The following PPP3CB variants were observed in gnomAD, a reference collection of about 807,000 sequenced individuals.
PPP3CB encodes serine/threonine-protein phosphatase 2B catalytic subunit beta isoform.
PPP3CB carries 8 observed loss-of-function variants against 66.4 expected under a neutral mutation model. That is an observed-to-expected ratio of 0.12 (90% CI 0.07 to 0.22). The LOEUF is 0.22. Among genes scored for constraint, PPP3CB ranks in the 10% least tolerant of loss-of-function variants. The pLI is 1.00. For synonymous variants in PPP3CB, 208 were observed against 221.2 expected (o/e 0.94, Z 0.53); for missense variants, 319 against 642.5 (o/e 0.50, Z 5.44).
intron 1 of PPP3CB, among the ~76,000 whole-genome samples, chr10:73,482,542 CAAAAAAAAA>C (rs537336452): frequency 0.013 from 465 of 36,762 alleles, 6 homozygotes; most frequent in Middle Eastern, 0.054. Context: ...GACTCCGTCT[CAAAAAAAAA>C]AAAAAAAAAA....
At chr10:73,443,328 G>GAAAGAAAGAA (rs1425533106) in intron 12 of PPP3CB, among the ~76,000 whole-genome samples, 1 of 131,068 alleles carries the variant, frequency 7.6e-6, no homozygotes. Context: ...AAGAAAGAAA[G>GAAAGAAAGAA]AAAAAGAAAG....
chr10:73,483,733 G>C (rs61865837), intron 1 of PPP3CB, among the ~76,000 whole-genome samples: 3,838 of 152,200 alleles, frequency 0.025, 71 homozygotes, highest in Non-Finnish European at 0.035. Flanking sequence ...GTGTTGTTTT[G>C]CAAGTGGAGA....
At position 73,483,717 on chromosome 10, in the gene PPP3CB, C is replaced by T. The variant is rs543776971; in HGVS notation, c.86-4200G>A. ...ATCAGCAAATAAGAGAAAAAAGGCA[C>T]GTATAGTGTTGTTTTGCAAGTGGAG... is the stretch of plus-strand genomic sequence containing the variant. On this transcript the variant is annotated intron_variant, in intron 1 of 13. Coordinates refer to ENST00000360663, the MANE Select transcript of PPP3CB (RefSeq NM_021132.4). Among the ~76,000 whole-genome samples, 257 of 152,058 alleles carry T rather than the reference C, an allele frequency of 1.7e-3. 1 individual carries two copies. Among genetic ancestry groups the T allele is most frequent in the African/African-American group, 5.9e-3 (246 of 41,472 alleles).
In PPP3CB at chr10:73,448,402, C is replaced by T. The variant is rs2056293774; in HGVS notation, c.1187-1829G>A. 3.9e-5 allele frequency among the ~76,000 whole-genome samples: 6 copies of T among 152,032 alleles called. 1 individual carries two copies. The highest frequency in any genetic ancestry group is 7.4e-5 in the Non-Finnish European group (5 of 67,982). ...TAATCATGCAGGGAAAAGTACAAAA[C>T]ATTACAAATAAGCAAAAGAATGAAA... is the stretch of plus-strand genomic sequence containing the variant. On this transcript the variant is annotated intron_variant, in intron 10 of 13. Coordinates refer to ENST00000360663, the MANE Select transcript of PPP3CB (RefSeq NM_021132.4).
chr10:73,488,362 T>C (rs1221811216), intron 1 of PPP3CB, among the ~76,000 whole-genome samples: 2 of 151,900 alleles, frequency 1.3e-5, no homozygotes, highest in African/African-American at 2.4e-5. Flanking sequence ...CTGGGCAACA[T>C]AGTGAGACCT....
rs533182411 is a variant in PPP3CB, at chr10:73,450,920, G to T, written c.1186+3492C>A. Among the ~76,000 whole-genome samples the T allele has an allele frequency of 4.6e-5, 7 of 152,170 alleles. No homozygotes were observed. The East Asian group carries it at 1.4e-3, about 29-fold the overall frequency. Reference sequence around the variant, plus strand: ...CAATTCATCCCTGGAATGCAAGAATGATAATAACAAGTGGATAAATTATCA... The same window carrying T: ...CAATTCATCCCTGGAATGCAAGAATTATAATAACAAGTGGATAAATTATCA... On this transcript the variant is annotated intron_variant, in intron 10 of 13. Coordinates refer to ENST00000360663, the MANE Select transcript of PPP3CB (RefSeq NM_021132.4).
At chr10:73,486,356 C>T (rs1425148060) in intron 1 of PPP3CB, among the ~76,000 whole-genome samples, 2 of 133,090 alleles carry the variant, frequency 1.5e-5, no homozygotes, top group African/African-American at 2.9e-5. Flanking sequence ...CCCAGGCTGG[C>T]GTGCGATGGT....
At chr10:73,469,189 C>T (rs1001101769) in intron 8 of PPP3CB, among the ~76,000 whole-genome samples, 3 of 152,266 alleles carry the variant, frequency 2.0e-5, no homozygotes, top group Admixed American at 6.5e-5. Flanking sequence ...GAGGAAGTCA[C>T]AGTTGAGGAA....
intron 10 of PPP3CB, among the ~76,000 whole-genome samples, chr10:73,450,939 A>C (rs969575527): frequency 3.9e-5 from 6 of 152,170 alleles, no homozygotes; most frequent in African/African-American, 1.4e-4. Context: ...AAGTGGATAA[A>C]TTATCATACT....
chr10:73,444,218 G>T, intron 12 of PPP3CB: 1 of 169,772 alleles, frequency 5.9e-6, no homozygotes, highest in Non-Finnish European at 1.2e-5. Flanking sequence ...CAAATCTTTT[G>T]GTAACTGAAG....
At position 73,495,861 on chromosome 10, in the gene PPP3CB, G is replaced by A. The variant is rs1691953265; in HGVS notation, c.29C>T (p.Ala10Val). Residue 10 changes from alanine to valine, a missense_variant, in exon 1 of 14, where the codon GCA becomes GTA. Physicochemically the swap from Ala to Val is moderately conservative, Grantham distance 64. This residue lies in a region of PPP3CB where 104 missense variants were observed against 128.4 expected (regional missense o/e 0.81). Transcript: ENST00000360663. MAAPEPARA[A>V]PPPPPPPPPP... ...CGGCGGGGGCGGGGGTGGGGGCGGT[G>A]CAGCCCGGGCCGGCTCCGGGGCGGC... is the stretch of plus-strand genomic sequence containing the variant. 2 of 1,404,766 alleles carry A rather than the reference G, an allele frequency of 1.4e-6. No homozygotes were observed. The highest frequency in any genetic ancestry group is 1.4e-5 in the South Asian group (1 of 72,310). 87.0% of individuals were successfully genotyped at this position (1,404,766 alleles called of 1,614,324 possible). A position where few individuals can be genotyped will look rare whatever the true frequency, so the allele number is the denominator to read the frequency against.
chr10:73,441,238 T>C (rs933855346), intron 12 of PPP3CB, among the ~76,000 whole-genome samples: 2 of 152,234 alleles, frequency 1.3e-5, no homozygotes, highest in Admixed American at 6.5e-5. Flanking sequence ...GTAAAGTGAA[T>C]TGGGGACCCA....
intron 1 of PPP3CB, among the ~76,000 whole-genome samples, chr10:73,494,163 T>C (rs1226278281): frequency 6.6e-6 from 1 of 151,438 alleles, no homozygotes; most frequent in Non-Finnish European, 1.5e-5. Context: ...GCATTACTAT[T>C]TTTTTTTTAA....
chr10:73,462,949 C>CAA (rs10569079), intron 9 of PPP3CB, among the ~76,000 whole-genome samples: 22 of 58,814 alleles, frequency 3.7e-4, no homozygotes, highest in Non-Finnish European at 4.8e-4. Context: ...GACTCTGTCT[C>CAA]AAAAAAAAAA....
At chr10:73,457,260 GAAAAAAA>G (rs35129439) in intron 9 of PPP3CB, among the ~76,000 whole-genome samples, 2,677 of 68,994 alleles carry the variant, frequency 0.039, 10 homozygotes, top group African/African-American at 0.12. Context: ...CTCTAAAAAA[GAAAAAAA>G]AAAAAAAAAA....
At chr10:73,459,795 G>A (rs1031084657) in intron 9 of PPP3CB, among the ~76,000 whole-genome samples, 3 of 152,156 alleles carry the variant, frequency 2.0e-5, no homozygotes, top group Non-Finnish European at 4.4e-5. Context: ...CCTAGGGTTA[G>A]CAAGGGGGGT....
At chr10:73,479,647 G>T in intron 1 of PPP3CB, 130 bp from the exon 2 acceptor site, 1 of 857,398 alleles carries the variant, frequency 1.2e-6, no homozygotes. Context: ...TTATTGGGTA[G>T]AAGTGTTTTT....
intron 4 of PPP3CB, among the ~76,000 whole-genome samples, chr10:73,472,046 T>C (rs939018594): frequency 2.0e-5 from 3 of 152,202 alleles, no homozygotes; most frequent in Admixed American, 6.5e-5. Context: ...TCAACAAAAA[T>C]ATGCAAAGTT....
chr10:73,443,290 A>C (rs148091432), intron 12 of PPP3CB, among the ~76,000 whole-genome samples: 2,521 of 115,336 alleles, frequency 0.022, 60 homozygotes, highest in African/African-American at 0.094. Context: ...GAAAGACAGA[A>C]AGAAAGAAAG....
Sources: gnomAD v4.1 joint callset for allele counts (sites outside exome capture counted in the v4.1 genomes callset) on GRCh38, gnomAD v4.1.1 for gene constraint, gnomAD v4.1.1 regional missense constraint, MANE v1.5 for transcripts, NCBI Gene and HGNC (gene_info 2026-07-23, HGNC 2026-07-21) for gene names.